Variants in LTF observed in about 807,000 individuals in gnomAD.
LTF encodes lactotransferrin.
Under a neutral mutation model 87.2 loss-of-function variants are expected in LTF, and 91 were observed. That is an observed-to-expected ratio of 1.04 (90% CI 0.88 to 1.24). The LOEUF (loss-of-function observed/expected upper bound fraction) is 1.24, where lower values mean the gene tolerates loss of function less well. Ranked by LOEUF, LTF falls within the 50% of genes most tolerant of loss-of-function variation. The pLI, the probability that LTF is intolerant of heterozygous loss-of-function variation, is 0.00. For missense variants in LTF, 901 were observed against 904.3 expected (o/e 1.00, Z 0.05); for synonymous variants, 378 against 356.1 (o/e 1.06, Z -0.69).
At position 46,470,560 on chromosome 3, in the gene LTF, T is replaced by C. The variant is rs564945592; in HGVS notation, c.-319-94A>G. 78 of 152,426 alleles carry C rather than the reference T, an allele frequency of 5.1e-4. 1 individual carries two copies. Among genetic ancestry groups the C allele is most frequent in the African/African-American group, 1.8e-3 (75 of 41,590 alleles). The allele number at this position is 152,426 out of a possible 1,614,324, so 9.4% of individuals were successfully genotyped here. ...GAGGCATGATTTTCCTCCATTTCTC[T>C]GGGTGAGGCTGCTCATCCCCAGCTC... On this transcript the variant is annotated intron_variant, in intron 1 of 19. Transcript: ENST00000443496.
chr3:46,482,921 T>C (rs920400873), intron 1 of LTF, among the ~76,000 whole-genome samples: 2 of 152,158 alleles, frequency 1.3e-5, no homozygotes, highest in Non-Finnish European at 2.9e-5. Context: ...AAAAACATTT[T>C]CTCTATCACT....
intron 6 of LTF, among the ~76,000 whole-genome samples, chr3:46,453,309 G>C (rs904960088): frequency 6.6e-5 from 10 of 152,220 alleles, no homozygotes; most frequent in African/African-American, 2.2e-4. Flanking sequence ...CAAAAAGTAT[G>C]AAAGTCAAAA....
At chr3:46,476,969 G>C (rs1288930486) in intron 1 of LTF, among the ~76,000 whole-genome samples, 1 of 152,110 alleles carries the variant, frequency 6.6e-6, no homozygotes, top group East Asian at 1.9e-4. Flanking sequence ...TTCTAACTTG[G>C]GGTTATTACA....
chr3:46,481,340 T>C (rs776409401), intron 1 of LTF, among the ~76,000 whole-genome samples: 2 of 152,204 alleles, frequency 1.3e-5, no homozygotes, highest in African/African-American at 2.4e-5. Context: ...GAGGACAAAG[T>C]ACAAATGAAC....
At chr3:46,438,630 C>T (rs551522858) in intron 15 of LTF, among the ~76,000 whole-genome samples, 20 of 152,286 alleles carry the variant, frequency 1.3e-4, no homozygotes, top group African/African-American at 4.3e-4. Context: ...AGACTGAGAC[C>T]CAAACCCCTC....
At chr3:46,449,555 C>T (rs1194411509) in intron 8 of LTF, among the ~76,000 whole-genome samples, 1 of 152,180 alleles carries the variant, frequency 6.6e-6, no homozygotes, top group Non-Finnish European at 1.5e-5. Flanking sequence ...ATCCAGGCCC[C>T]CGGATTCATC....
Position 46,482,459 on chromosome 3 carries a change from G to A in LTF, c.-320+2527C>T, listed in dbSNP as rs185567211. 1.9e-3 allele frequency among the ~76,000 whole-genome samples: 242 copies of A among 129,808 alleles called. No homozygotes were observed. The Middle Eastern group carries it at 0.02, about 11-fold the overall frequency. The allele number at this position is 129,808 out of a possible 152,430, so 85.2% of individuals were successfully genotyped here. On this transcript the variant is annotated intron_variant, in intron 1 of 19. Transcript: ENST00000443496. The stretch of plus-strand genomic sequence containing the variant: ...AACTCCAGCCTGGACATTAAAGTGA[G>A]ACTCTGTCAAAAAAGAAAGGAGAAG...
At position 46,445,309 on chromosome 3, in the gene LTF, G is replaced by A. The variant is rs1286440983; in HGVS notation, c.1485C>T (p.Leu495=). 6.2e-7 allele frequency: 1 copy of A among 1,612,392 alleles called. No individual in the cohort carries two copies. The change falls in exon 12 of 17, where the codon CTC becomes CTT. Residue 495 remains leucine (L), a synonymous_variant. Coordinates refer to ENST00000231751, the MANE Select transcript of LTF (RefSeq NM_002343.6). ...ATTTGCAGGAGCCCGTCTGGTTGAAGAGCAGGCCCATGGGGATATTCCAGC... is the reference window on the plus strand; with the variant it reads ...ATTTGCAGGAGCCCGTCTGGTTGAAAAGCAGGCCCATGGGGATATTCCAGC... ...TAGWNIPMGL[L]FNQTGSCKFD...
At position 46,449,022 on chromosome 3, in the gene LTF, CAGAGGGAAG is replaced by C; in HGVS notation, c.1058-14_1058-6del. ...GGGCAGCCACTTCCTCCTCACCTGC[CAGAGGGAAG>C]ACCGCAGGTGGCTGGGCAACCTGAG... On this transcript the variant is annotated splice_region_variant and splice_polypyrimidine_tract_variant and intron_variant, in intron 8 of 16. Coordinates refer to ENST00000231751, the MANE Select transcript of LTF (RefSeq NM_002343.6). 1 of 1,603,878 alleles carries C rather than the reference CAGAGGGAAG, an allele frequency of 6.2e-7. No homozygotes were observed. Among genetic ancestry groups the C allele is most frequent in the Non-Finnish European group, 8.5e-7 (1 of 1,175,996 alleles).
chr3:46,462,769 G>C (rs1411153219), intron 1 of LTF, among the ~76,000 whole-genome samples: 2 of 152,136 alleles, frequency 1.3e-5, no homozygotes, highest in African/African-American at 4.8e-5. Flanking sequence ...AGTCTGAGTG[G>C]AGAGAGGGGA....
In LTF at chr3:46,445,315, G is replaced by C; in HGVS notation, c.1479C>G (p.Gly493=). 2 of 1,613,304 alleles carry C rather than the reference G, an allele frequency of 1.2e-6. No homozygotes were observed. Among genetic ancestry groups the C allele is most frequent in the Non-Finnish European group, 1.7e-6 (2 of 1,179,638 alleles). Residue 493 remains glycine, a synonymous_variant, in exon 12 of 17, where the codon GGC becomes GGG. Coordinates refer to ENST00000231751, the MANE Select transcript of LTF (RefSeq NM_002343.6). ...AGGAGCCCGTCTGGTTGAAGAGCAGGCCCATGGGGATATTCCAGCCTGCAG... is the reference window on the plus strand; with the variant it reads ...AGGAGCCCGTCTGGTTGAAGAGCAGCCCCATGGGGATATTCCAGCCTGCAG... The part of the protein sequence containing the change: ...DRTAGWNIPM[G]LLFNQTGSCK...
chr3:46,463,322 A>G, intron 1 of LTF: 1 of 320,452 alleles, frequency 3.1e-6, no homozygotes, highest in Non-Finnish European at 4.5e-6. Flanking sequence ...ATAGGGCCCA[A>G]GCAGACTGCT....
rs1575322021 is a variant in LTF, at chr3:46,460,800, T to A, written c.44-981A>T. 3.4e-5 allele frequency among the ~76,000 whole-genome samples: 4 copies of A among 118,490 alleles called. No homozygotes were observed. In the East Asian group the frequency reaches 1.1e-3, roughly 32 times the overall value. The allele number at this position is 118,490 out of a possible 152,430, so 77.7% of individuals were successfully genotyped here. On this transcript the variant is annotated intron_variant, in intron 1 of 16. Transcript: ENST00000231751. Reference sequence around the variant, plus strand: ...GACTTTACTTTCAGATAACATGATCTTCTATGTAGAAAATACTGAAGAATC... The same window carrying A: ...GACTTTACTTTCAGATAACATGATCATCTATGTAGAAAATACTGAAGAATC...
chr3:46,476,395 A>G (rs1703359951), intron 1 of LTF, among the ~76,000 whole-genome samples: 1 of 152,226 alleles, frequency 6.6e-6, no homozygotes, highest in African/African-American at 2.4e-5. Context: ...ACATGAATGG[A>G]TGTTGAATTT....
intron 4 of LTF, 136 bp from the exon 5 acceptor site, chr3:46,455,578 G>A (rs1702908202): frequency 1.6e-6 from 2 of 1,215,096 alleles, no homozygotes; most frequent in Admixed American, 2.3e-5. Flanking sequence ...ATGGGGCTGG[G>A]AGCTCGAGAC....
At chr3:46,467,129 C>A (rs1194242936), upstream of LTF, among the ~76,000 whole-genome samples, 1 of 152,164 alleles carries the variant, frequency 6.6e-6, no homozygotes, top group East Asian at 1.9e-4. Context: ...GCAGAGCAGC[C>A]CCTCAAGGCC....
chr3:46,448,792 C>G, intron 9 of LTF, 71 bp downstream of exon 9: 1 of 1,573,060 alleles, frequency 6.4e-7, no homozygotes, highest in Non-Finnish European at 8.6e-7. Flanking sequence ...GTTGACTTCA[C>G]TTTAAGCAGA....
intron 1 of LTF, chr3:46,463,568 T>C (rs1179779196): frequency 2.2e-5 from 22 of 985,390 alleles, no homozygotes; most frequent in Non-Finnish European, 2.7e-5. Context: ...ACCATCCCAA[T>C]TGACTGCAGG....
Position 46,437,947 on chromosome 3 carries a change from T to A in LTF, c.2091A>T (p.Ser697=). ...VAGITNLKKC[S]TSPLLEACEF... is the part of the protein sequence containing the mutation. ...TAGCTAGGGTCTACTTACGGGAGGT[T>A]GAGCACTTTTTCAGATTAGTAATGC... Residue 697 remains serine (S), a synonymous_variant, in exon 16 of 17, where the codon TCA becomes TCT. Coordinates refer to ENST00000231751, the MANE Select transcript of LTF (RefSeq NM_002343.6). 1 of 1,613,948 alleles carries A rather than the reference T, an allele frequency of 6.2e-7. No individual in the cohort carries two copies. The highest frequency in any genetic ancestry group is 8.5e-7 in the Non-Finnish European group (1 of 1,179,942).
Sources: allele counts gnomAD v4.1 joint callset (sites outside exome capture counted in the v4.1 genomes callset), GRCh38; gene constraint gnomAD v4.1.1; transcripts MANE v1.5; gene names NCBI Gene and HGNC (gene_info 2026-07-23, HGNC 2026-07-21).